NDUFAF6: variants seen among roughly 807,000 people sequenced by gnomAD.
NDUFAF6 encodes NADH dehydrogenase (ubiquinone) complex I, assembly factor 6.
In NDUFAF6, 45 loss-of-function variants were observed where a neutral mutation model predicts 40.8. The ratio of observed to expected loss-of-function variants is 1.10; its 90% CI spans 0.87 to 1.42. The LOEUF is 1.42. Among genes scored for constraint, NDUFAF6 ranks in the 40% most tolerant of loss-of-function variants. The probability of loss-of-function intolerance (pLI) is 0.00; values close to 1 mark genes in which losing one functional copy is unlikely to be tolerated. For synonymous variants in NDUFAF6, 185 were observed against 155.9 expected (o/e 1.19, Z -1.39); for missense variants, 435 against 418.5 (o/e 1.04, Z -0.34).
At chr8:95,092,578 CTTTTTTTTTTT>C (rs528845192) in intron 2 of NDUFAF6, among the ~76,000 whole-genome samples, 1 of 77,800 alleles carries the variant, frequency 1.3e-5, no homozygotes, top group East Asian at 4.6e-4. Flanking sequence ...CTCACGAAGC[CTTTTTTTTTTT>C]TTTTTTTTTT....
downstream of NDUFAF6, among the ~76,000 whole-genome samples, chr8:95,076,781 G>A (rs189260855): frequency 0.014 from 2,080 of 151,750 alleles, 27 homozygotes; most frequent in Non-Finnish European, 0.02. Flanking sequence ...GCTGAGGCAG[G>A]AGAATTGCTT....
Position 94,926,182 on chromosome 8 carries a change from C to T in NDUFAF6, c.-935-19301C>T, listed in dbSNP as rs1819874383. 1.3e-5 allele frequency: 2 copies of T among 152,442 alleles called. 1 individual carries two copies. The highest frequency in any genetic ancestry group is 4.1e-4 in the South Asian group (2 of 4,826). 9.4% of individuals were successfully genotyped at this position (152,442 alleles called of 1,614,324 possible). A position where few individuals can be genotyped will look rare whatever the true frequency, so the allele number is the denominator to read the frequency against. ...TCAGTATAAAAAATTTCTATAAAAA[C>T]AAAATTTAGACCGTGGCTCAAGAAA... On this transcript the variant is annotated intron_variant, in intron 1 of 14. Transcript: ENST00000396113.
intron 1 of NDUFAF6, 121 bp downstream of exon 1, chr8:95,025,326 G>C (rs1586993457): frequency 2.3e-5 from 24 of 1,046,626 alleles, no homozygotes; most frequent in Non-Finnish European, 3.0e-5. Context: ...GTGCCCCTCT[G>C]GGTGTGCGTT....
chr8:94,911,784 TGAG>T (rs1304338947), intron 1 of NDUFAF6, among the ~76,000 whole-genome samples: 2 of 152,178 alleles, frequency 1.3e-5, no homozygotes, highest in African/African-American at 4.8e-5. Flanking sequence ...GACAACAAAA[TGAG>T]GTTTTTCCAG....
At chr8:95,034,565 T>C (rs1461235087) in intron 2 of NDUFAF6, 2 of 153,220 alleles carry the variant, frequency 1.3e-5, no homozygotes, top group Non-Finnish European at 2.9e-5. Flanking sequence ...TAAGCAATAC[T>C]ATTCCTTTTA....
upstream of NDUFAF6, chr8:95,024,964 T>G: frequency 4.7e-6 from 6 of 1,288,762 alleles, no homozygotes; most frequent in Non-Finnish European, 5.9e-6. Context: ...GGGGCGTAGC[T>G]GCGCGCCGAC....
chr8:95,030,362 A>G (rs1241666917), intron 1 of NDUFAF6, among the ~76,000 whole-genome samples: 1 of 152,094 alleles, frequency 6.6e-6, no homozygotes, highest in East Asian at 1.9e-4. Context: ...AGTAGCTAGG[A>G]CCACAGGCCC....
Position 95,057,841 on chromosome 8 carries a change from G to A in NDUFAF6, c.906G>A (p.Gln302=). ...TAGAGGACTTTCTAAAGAAAATTCA[G>A]CGAGTGGATTTTGATATATTCCACC... ...VSLEDFLKKI[Q]RVDFDIFHPS... is the part of the protein sequence containing the mutation. Residue 302 remains glutamine, a synonymous_variant, in exon 9 of 9, where the codon CAG becomes CAA. Transcript: ENST00000396124. The A allele has an allele frequency of 1.2e-6, 2 of 1,611,718 alleles. No homozygotes were observed.
At chr8:95,028,829 C>T (rs1234937793) in intron 1 of NDUFAF6, among the ~76,000 whole-genome samples, 1 of 152,310 alleles carries the variant, frequency 6.6e-6, no homozygotes, top group African/African-American at 2.4e-5. Flanking sequence ...GTTTTAAACA[C>T]TTCTGAAGTT....
chr8:95,067,971 G>A (rs1832743806), intron 9 of NDUFAF6: 1 of 152,006 alleles, frequency 6.6e-6, no homozygotes, highest in Admixed American at 6.5e-5. Flanking sequence ...GGTGTGGGTG[G>A]GAGTGGACCA....
intron 2 of NDUFAF6, among the ~76,000 whole-genome samples, chr8:94,991,268 T>A (rs1009425979): frequency 6.6e-6 from 1 of 152,362 alleles, no homozygotes; most frequent in Admixed American, 6.5e-5. Context: ...GATAAACATC[T>A]TAAAATATGT....
upstream of NDUFAF6, among the ~76,000 whole-genome samples, chr8:95,020,686 ACAC>A (rs1827658016): frequency 6.6e-6 from 1 of 152,208 alleles, no homozygotes; most frequent in Non-Finnish European, 1.5e-5. Flanking sequence ...CGATACACTA[ACAC>A]CTCCCAATGC....
At chr8:94,937,403 T>C (rs1260195226) in intron 1 of NDUFAF6, among the ~76,000 whole-genome samples, 3 of 147,940 alleles carry the variant, frequency 2.0e-5, no homozygotes, top group Non-Finnish European at 3.0e-5. Context: ...ATCCTGCCAC[T>C]GCACTCCAGC....
intron 2 of NDUFAF6, among the ~76,000 whole-genome samples, chr8:95,085,261 G>T (rs1397676499): frequency 2.0e-5 from 3 of 152,182 alleles, no homozygotes; most frequent in South Asian, 4.1e-4. Context: ...GATGAGAAAA[G>T]TTAGACCTTG....
chr8:95,112,266 T>C (rs1025052529), intron 4 of NDUFAF6, among the ~76,000 whole-genome samples: 1 of 152,226 alleles, frequency 6.6e-6, no homozygotes, highest in African/African-American at 2.4e-5. Context: ...GATTTGACCT[T>C]ATTTAAAAAA....
chr8:95,107,937 A>G (rs944667969), downstream of NDUFAF6, among the ~76,000 whole-genome samples: 16 of 152,244 alleles, frequency 1.1e-4, no homozygotes, highest in Admixed American at 1.3e-4. Context: ...TGTCTGGGCC[A>G]CATGAGTTTG....
At chr8:95,024,922 A>T, upstream of NDUFAF6, 3 of 1,148,068 alleles carry the variant, frequency 2.6e-6, no homozygotes, top group Non-Finnish European at 3.3e-6. Context: ...CGCGACTCAA[A>T]GGAGCATAGG....
intron 1 of NDUFAF6, among the ~76,000 whole-genome samples, chr8:94,932,819 G>A (rs1002732946): frequency 6.6e-5 from 10 of 151,788 alleles, no homozygotes; most frequent in South Asian, 2.1e-4. Context: ...AAAAAAAAAA[G>A]AATTTCAAAT....
At chr8:94,979,226 G>A (rs1825213087) in intron 1 of NDUFAF6, among the ~76,000 whole-genome samples, 1 of 151,938 alleles carries the variant, frequency 6.6e-6, no homozygotes, top group Admixed American at 6.6e-5. Context: ...TCTTTTTGAT[G>A]GTGTGGGCCA....
Sources: gnomAD v4.1 joint callset for allele counts (sites outside exome capture counted in the v4.1 genomes callset) on GRCh38, gnomAD v4.1.1 for gene constraint, MANE v1.5 for transcripts, NCBI Gene and HGNC (gene_info 2026-07-23, HGNC 2026-07-21) for gene names.